Variants in TRDMT1 observed in about 807,000 individuals in gnomAD.
TRDMT1 encodes the protein tRNA (cytosine(38)-C(5))-methyltransferase.
TRDMT1 carries 49 observed loss-of-function variants against 51.2 expected under a neutral mutation model. The observed-to-expected ratio is 0.96, with a 90% CI of 0.76 to 1.21. TRDMT1 has a LOEUF of 1.21. TRDMT1 is among the 50% of genes most tolerant of loss of function. The pLI is 0.00. For synonymous variants in TRDMT1, 187 were observed against 164.6 expected (o/e 1.14, Z -1.04); for missense variants, 534 against 462.3 (o/e 1.16, Z -1.42).
rs1477000971 is a variant in TRDMT1 at position 17,148,555 on chromosome 10, A to T, written c.*485T>A. On this transcript the variant is annotated 3_prime_UTR_variant, in exon 11 of 11. Coordinates refer to ENST00000377799, the MANE Select transcript of TRDMT1 (RefSeq NM_004412.7). ...ATGATGATAATTTGGTTTACATATC[A>T]TATGCATTTGTTTAGATGAAATAAA... 6.1e-6 allele frequency: 6 copies of T among 983,086 alleles called. No homozygotes were observed. Among genetic ancestry groups the T allele is most frequent in the Non-Finnish European group, 7.2e-6 (6 of 827,818 alleles). 60.9% of individuals were successfully genotyped at this position (983,086 alleles called of 1,614,324 possible). A position where few individuals can be genotyped will look rare whatever the true frequency, so the allele number is the denominator to read the frequency against.
At chr10:17,182,957 T>G (rs1002570647) in intron 1 of TRDMT1, among the ~76,000 whole-genome samples, 1 of 152,190 alleles carries the variant, frequency 6.6e-6, no homozygotes, top group South Asian at 2.1e-4. Flanking sequence ...ATTGGATAAA[T>G]GAACACTGTC....
chr10:17,188,802 C>T (rs1009356233), intron 1 of TRDMT1, among the ~76,000 whole-genome samples: 11 of 152,134 alleles, frequency 7.2e-5, no homozygotes, highest in Non-Finnish European at 1.6e-4. Flanking sequence ...TTTATGCCCA[C>T]CACAAATACC....
At chr10:17,156,441 G>A (rs11594991) in intron 8 of TRDMT1, among the ~76,000 whole-genome samples, 63,346 of 151,750 alleles carry the variant, frequency 0.42, 15,231 homozygotes, top group South Asian at 0.57. Context: ...CACCATGTTG[G>A]CCAGGCTAGT....
chr10:17,180,344 C>A (rs940167316), intron 1 of TRDMT1, among the ~76,000 whole-genome samples: 1 of 151,962 alleles, frequency 6.6e-6, no homozygotes, highest in Non-Finnish European at 1.5e-5. Flanking sequence ...AGTTTGAGAC[C>A]AGCCTGGCCA....
chr10:17,201,445 C>CCGCCCCACAGTGTT, intron 1 of TRDMT1, 126 bp downstream of exon 1: 4 of 964,056 alleles, frequency 4.1e-6, no homozygotes, highest in Non-Finnish European at 5.7e-6. Flanking sequence ...CAACCGAGGG[C>CCGCCCCACAGTGTT]CGCCCCACAG....
chr10:17,171,118 T>TGTGTGTGTGTGTGG (rs1425259031), intron 2 of TRDMT1, among the ~76,000 whole-genome samples: 14 of 151,650 alleles, frequency 9.2e-5, no homozygotes, highest in Non-Finnish European at 1.9e-4. Context: ...TAGATGTGTG[T>TGTGTGTGTGTGTGG]GTGTGTGTGT....
intron 2 of TRDMT1, among the ~76,000 whole-genome samples, chr10:17,172,803 T>C (rs745925694): frequency 3.3e-5 from 5 of 152,188 alleles, no homozygotes; most frequent in Non-Finnish European, 5.9e-5. Context: ...TTGGTGCCTA[T>C]AACATTCGTA....
chr10:17,198,782 A>G (rs960313672), intron 1 of TRDMT1, among the ~76,000 whole-genome samples: 1 of 152,260 alleles, frequency 6.6e-6, no homozygotes, highest in Non-Finnish European at 1.5e-5. Flanking sequence ...ATTTAAAAAT[A>G]GTTTAAATGA....
intron 10 of TRDMT1, among the ~76,000 whole-genome samples, chr10:17,152,308 A>G (rs1278148012): frequency 6.6e-6 from 1 of 152,152 alleles, no homozygotes; most frequent in Non-Finnish European, 1.5e-5. Context: ...AGGGAGTACA[A>G]AATAAAACTG....
chr10:17,172,653 T>A (rs1009413572), intron 2 of TRDMT1, among the ~76,000 whole-genome samples: 1 of 152,180 alleles, frequency 6.6e-6, no homozygotes, highest in African/African-American at 2.4e-5. Context: ...TTATATCACA[T>A]GCAAACTTTG....
intron 10 of TRDMT1, chr10:17,150,547 C>A: frequency 1.0e-6 from 1 of 985,306 alleles, no homozygotes; most frequent in Non-Finnish European, 1.2e-6. Flanking sequence ...AGCGTGTGCA[C>A]TATAATGTTA....
chr10:17,154,727 T>G lies in TRDMT1; in HGVS notation c.895A>C (p.Ser299Arg), dbSNP rs1839264892. ...RSVCFTKGYG[S>R]YIEGTGSVLQ... is the part of the protein sequence containing the mutation. ...ACAGACCCTGTCCCTTCTATGTAGC[T>G]TCCATATCTGAAAAATCAACACAAC... The change falls in exon 9 of 11, where the codon AGC (serine) becomes CGC (arginine). Residue 299 changes from serine (S) to arginine (R), a missense_variant. Transcript: ENST00000377799. 5 of 1,603,440 alleles carry G rather than the reference T, an allele frequency of 3.1e-6. No homozygotes were observed. The highest frequency in any genetic ancestry group is 3.3e-4 in the Middle Eastern group (2 of 6,044).
chr10:17,180,048 T>A (rs925043889), intron 1 of TRDMT1, among the ~76,000 whole-genome samples: 14 of 152,202 alleles, frequency 9.2e-5, no homozygotes, highest in Admixed American at 9.2e-4. Context: ...GGTCTTCAGA[T>A]CATCTTTTAC....
intron 1 of TRDMT1, among the ~76,000 whole-genome samples, chr10:17,178,506 T>C (rs996545906): frequency 6.6e-6 from 1 of 151,910 alleles, no homozygotes; most frequent in East Asian, 1.9e-4. Context: ...TGAAACCTCA[T>C]CTCTACTAAA....
chr10:17,192,621 G>A (rs1844843827), intron 1 of TRDMT1, among the ~76,000 whole-genome samples: 1 of 152,186 alleles, frequency 6.6e-6, no homozygotes, highest in Non-Finnish European at 1.5e-5. Flanking sequence ...CGAGGGGCAG[G>A]AGCAGCAGGG....
Position 17,148,414 on chromosome 10 carries a change from C to A in TRDMT1, c.*626G>T. On this transcript the variant is annotated 3_prime_UTR_variant, in exon 11 of 11. Transcript: ENST00000377799. ...ATGAGTTTTGTCCTTCAGATAGAGG[C>A]TGAGGAAAATGTAGATAATGTGCAC... 2 of 985,370 alleles carry A rather than the reference C, an allele frequency of 2.0e-6. No homozygotes were observed. The highest frequency in any genetic ancestry group is 9.4e-5 in the South Asian group (2 of 21,284). The allele number at this position is 985,370 out of a possible 1,614,324, so 61.0% of individuals were successfully genotyped here.
chr10:17,193,337 T>C (rs1844957371), intron 1 of TRDMT1, among the ~76,000 whole-genome samples: 1 of 134,752 alleles, frequency 7.4e-6, no homozygotes, highest in Admixed American at 7.3e-5. Flanking sequence ...CACTCCACCC[T>C]GGGTGACAGA....
At position 17,151,379 on chromosome 10, in the gene TRDMT1, G is replaced by A. The variant is rs112920004; in HGVS notation, c.1075+2128C>T. 4.1e-4 allele frequency: 407 copies of A among 984,896 alleles called. 1 individual carries two copies. Among genetic ancestry groups the A allele is most frequent in the Middle Eastern group, 2.6e-3 (5 of 1,936 alleles). The allele number at this position is 984,896 out of a possible 1,614,324, so 61.0% of individuals were successfully genotyped here. On this transcript the variant is annotated intron_variant, in intron 10 of 10. Transcript: ENST00000377799. Reference sequence around the variant, plus strand: ...GGTTAGTGTTTTTCTTCAAAAGCCCGCTACCGCAGAATACACACCACCAGT... The same window carrying A: ...GGTTAGTGTTTTTCTTCAAAAGCCCACTACCGCAGAATACACACCACCAGT...
chr10:17,155,787 CT>C (rs1274683474), intron 8 of TRDMT1, among the ~76,000 whole-genome samples: 1 of 152,050 alleles, frequency 6.6e-6, no homozygotes, highest in Non-Finnish European at 1.5e-5. Context: ...TTTTTTCAAA[CT>C]GTCTTTTTCA....
Sources: gnomAD v4.1 joint callset for allele counts (sites outside exome capture counted in the v4.1 genomes callset) on GRCh38, gnomAD v4.1.1 for gene constraint, MANE v1.5 for transcripts, NCBI Gene and HGNC (gene_info 2026-07-23, HGNC 2026-07-21) for gene names.